MPPED1: variants seen among roughly 807,000 people sequenced by gnomAD.
MPPED1 encodes the protein metallophosphoesterase domain containing 1.
MPPED1 carries 16 observed loss-of-function variants against 36.2 expected under a neutral mutation model. That is an observed-to-expected ratio of 0.44 (90% CI 0.30 to 0.67). MPPED1 has a LOEUF of 0.67. Ranked by LOEUF, MPPED1 falls within the 30% of genes least tolerant of loss-of-function variation. MPPED1 has a pLI of 0.10. For missense variants in MPPED1, 307 were observed against 453.4 expected, an observed-to-expected ratio of 0.68 and a Z score of 2.93; for synonymous variants, 199 against 191.3, an observed-to-expected ratio of 1.04 and a Z score of -0.33.
Position 43,459,428 on chromosome 22 carries a change from A to C in MPPED1, c.407-15308A>C, listed in dbSNP as rs370264997. Reference sequence around the variant, plus strand: ...TTAACTACTCTTTCTGTCCCCTCTCACTTTTCCTTTATGGCTCCTCTTACG... The same window carrying C: ...TTAACTACTCTTTCTGTCCCCTCTCCCTTTTCCTTTATGGCTCCTCTTACG... On this transcript the variant is annotated intron_variant, in intron 3 of 6. Coordinates refer to ENST00000443721, the MANE Select transcript of MPPED1 (RefSeq NM_001044370.2). Among the ~76,000 whole-genome samples the C allele has an allele frequency of 1.5e-4, 23 of 152,138 alleles. No individual in the cohort carries two copies. The East Asian group carries it at 3.9e-3, about 26-fold the overall frequency.
intron 4 of MPPED1, among the ~76,000 whole-genome samples, chr22:43,481,134 T>C (rs1931735954): frequency 1.3e-5 from 2 of 152,338 alleles, no homozygotes; most frequent in Admixed American, 6.5e-5. Context: ...TGTTTCTATA[T>C]TGTCTTCCAG....
At chr22:43,426,849 C>T (rs1163945465) in intron 2 of MPPED1, among the ~76,000 whole-genome samples, 1 of 152,214 alleles carries the variant, frequency 6.6e-6, no homozygotes, top group Non-Finnish European at 1.5e-5. Flanking sequence ...GCTGCTGCCT[C>T]TGGTTTTCTG....
intron 1 of MPPED1, chr22:43,416,978 A>C: frequency 1.0e-6 from 1 of 985,408 alleles, no homozygotes; most frequent in African/African-American, 1.7e-5. Context: ...TAAAGGAATA[A>C]GTGAGCAGCT....
chr22:43,483,415 C>T (rs529216642), intron 4 of MPPED1, among the ~76,000 whole-genome samples: 3 of 152,212 alleles, frequency 2.0e-5, no homozygotes, highest in Non-Finnish European at 4.4e-5. Context: ...ACCCAGGATT[C>T]AAGGCGGCCG....
At chr22:43,441,368 C>T (rs948558642) in intron 3 of MPPED1, among the ~76,000 whole-genome samples, 9 of 152,236 alleles carry the variant, frequency 5.9e-5, no homozygotes, top group African/African-American at 2.2e-4. Context: ...GTGTCACCTG[C>T]TGAGCTGCTG....
intron 2 of MPPED1, among the ~76,000 whole-genome samples, chr22:43,426,373 G>C (rs1929471588): frequency 6.6e-6 from 1 of 152,172 alleles, no homozygotes; most frequent in Admixed American, 6.5e-5. Flanking sequence ...GCAGAGCAGG[G>C]AGGTGACAGC....
At chr22:43,412,242 G>T in intron 1 of MPPED1, 84 bp downstream of exon 1, 1 of 838,460 alleles carries the variant, frequency 1.2e-6, no homozygotes, top group Non-Finnish European at 1.4e-6. Flanking sequence ...CCAGGCGCTG[G>T]GCGACGCCCG....
chr22:43,428,210 G>A (rs539359540), intron 2 of MPPED1, among the ~76,000 whole-genome samples: 5 of 152,254 alleles, frequency 3.3e-5, no homozygotes, highest in Non-Finnish European at 5.9e-5. Context: ...AGCAGGCCCC[G>A]CAAGGATTCA....
intron 4 of MPPED1, among the ~76,000 whole-genome samples, chr22:43,480,185 G>C (rs12483772): frequency 6.6e-6 from 1 of 152,078 alleles, no homozygotes; most frequent in Non-Finnish European, 1.5e-5. Flanking sequence ...GGTTTGTCAC[G>C]TGCCTGGCTC....
In MPPED1 at chr22:43,424,919, G is replaced by A; in HGVS notation, c.-67G>A. 1 of 1,536,868 alleles carries A rather than the reference G, an allele frequency of 6.5e-7. No homozygotes were observed. The highest frequency in any genetic ancestry group is 8.7e-7 in the Non-Finnish European group (1 of 1,143,952). On this transcript the variant is annotated 5_prime_UTR_variant, in exon 2 of 7. Coordinates refer to ENST00000443721, the MANE Select transcript of MPPED1 (RefSeq NM_001044370.2). ...CTCCGTCTCCTCAGTCTGTTTCCAG[G>A]TCTGGCGGGGGGCCGGGCTGCGGTG...
intron 5 of MPPED1, among the ~76,000 whole-genome samples, chr22:43,499,502 GTAA>G (rs1442369179): frequency 1.8e-4 from 25 of 141,786 alleles, no homozygotes; most frequent in South Asian, 7.5e-4. Context: ...GGTGATGGTG[GTAA>G]TGGAGGTGAT....
intron 2 of MPPED1, among the ~76,000 whole-genome samples, chr22:43,430,466 G>C (rs1294067052): frequency 1.3e-5 from 2 of 152,198 alleles, no homozygotes; most frequent in African/African-American, 4.8e-5. Flanking sequence ...GCACAGCAAG[G>C]AGGAGGTCAC....
intron 4 of MPPED1, among the ~76,000 whole-genome samples, chr22:43,485,834 C>G (rs954042364): frequency 6.6e-6 from 1 of 152,272 alleles, no homozygotes; most frequent in African/African-American, 2.4e-5. Context: ...TTCCACTTAT[C>G]TTGCTGCTGA....
At chr22:43,460,594 A>G (rs1287553138) in intron 3 of MPPED1, among the ~76,000 whole-genome samples, 1 of 151,874 alleles carries the variant, frequency 6.6e-6, no homozygotes, top group Non-Finnish European at 1.5e-5. Flanking sequence ...TGTCCTGGAA[A>G]CTCTGTGGTG....
At position 43,495,489 on chromosome 22, in the gene MPPED1, AGGTAGTGG is replaced by A. The variant is rs1569088619; in HGVS notation, c.633-2745_633-2738del. The stretch of plus-strand genomic sequence containing the variant: ...CTGGTGATGGTGGAGGTGGTGGTGG[AGGTAGTGG>A]TGGTGGAGGTGGTGGTGGTGGTGGA... On this transcript the variant is annotated intron_variant, in intron 4 of 6. Coordinates refer to ENST00000443721, the MANE Select transcript of MPPED1 (RefSeq NM_001044370.2). Among the ~76,000 whole-genome samples, 10 of 10,474 alleles carry A rather than the reference AGGTAGTGG, an allele frequency of 9.5e-4. 1 individual carries two copies. Among genetic ancestry groups the A allele is most frequent in the Non-Finnish European group, 1.4e-3 (9 of 6,596 alleles). 6.9% of individuals were successfully genotyped at this position (10,474 alleles called of 152,430 possible).
intron 2 of MPPED1, among the ~76,000 whole-genome samples, chr22:43,428,289 G>A (rs553169864): frequency 1.5e-4 from 23 of 152,316 alleles, no homozygotes; most frequent in South Asian, 2.1e-4. Context: ...GAGAGTTCCC[G>A]GCTTCTGCTG....
chr22:43,503,304 C>T (rs928773008), intron 6 of MPPED1, among the ~76,000 whole-genome samples: 10 of 152,226 alleles, frequency 6.6e-5, no homozygotes, highest in Non-Finnish European at 1.3e-4. Context: ...AGACCTCAGC[C>T]ATCCTCACCT....
At chr22:43,498,538 C>A (rs1224663244) in intron 5 of MPPED1, among the ~76,000 whole-genome samples, 188 bp downstream of exon 5, 1 of 152,070 alleles carries the variant, frequency 6.6e-6, no homozygotes, top group Non-Finnish European at 1.5e-5. Flanking sequence ...GAGCAGGGGG[C>A]TTGACTTGTT....
At position 43,498,328 on chromosome 22, in the gene MPPED1, G is replaced by C. The variant is rs1932498334; in HGVS notation, c.726G>C (p.Leu242=). 1 of 1,535,142 alleles carries C rather than the reference G, an allele frequency of 6.5e-7. No individual in the cohort carries two copies. The highest frequency in any genetic ancestry group is 8.7e-7 in the Non-Finnish European group (1 of 1,146,442). The part of the protein sequence containing the change: ...WNLIPEGVDI[L]ITHGPPLGFL... Reference sequence around the variant, plus strand: ...TCATTCCCGAAGGCGTAGACATCCTGATAACCCATGGACCACCACTGGGTA... The same window carrying C: ...TCATTCCCGAAGGCGTAGACATCCTCATAACCCATGGACCACCACTGGGTA... The change falls in exon 5 of 7, where the codon CTG becomes CTC. Residue 242 remains leucine, a synonymous_variant. Transcript: ENST00000443721.
Sources: allele counts gnomAD v4.1 joint callset (sites outside exome capture counted in the v4.1 genomes callset), GRCh38; gene constraint gnomAD v4.1.1; transcripts MANE v1.5; gene names NCBI Gene and HGNC (gene_info 2026-07-23, HGNC 2026-07-21).